The following MAGI3 variants were observed in gnomAD, a reference collection of about 807,000 sequenced individuals.
The protein encoded by MAGI3 is membrane associated guanylate kinase, WW and PDZ domain containing 3.
A neutral mutation model predicts 121.8 loss-of-function variants in MAGI3; 43 were observed. The observed-to-expected ratio is 0.35, with a 90% confidence interval of 0.28 to 0.46. MAGI3 has a LOEUF of 0.46. Among genes scored for constraint, MAGI3 ranks in the 20% least tolerant of loss-of-function variants. The probability of loss-of-function intolerance (pLI) is 1.00; values close to 1 mark genes in which losing one functional copy is unlikely to be tolerated. For missense variants in MAGI3, 1,547 were observed against 1,797.3 expected (o/e 0.86, Z 2.52); for synonymous variants, 553 against 639.3 (o/e 0.86, Z 2.04).
At chr1:113,548,628 G>A (rs1245569275) in intron 1 of MAGI3, among the ~76,000 whole-genome samples, 1 of 152,192 alleles carries the variant, frequency 6.6e-6, no homozygotes, top group Non-Finnish European at 1.5e-5. Flanking sequence ...GGGATGGCTG[G>A]AGCCAGAACA....
chr1:113,457,710 ATAAAT>A (rs1235208960), intron 1 of MAGI3, among the ~76,000 whole-genome samples: 1 of 152,164 alleles, frequency 6.6e-6, no homozygotes, highest in Non-Finnish European at 1.5e-5. Context: ...TATAAATAAG[ATAAAT>A]TTAATTATAA....
intron 6 of MAGI3, among the ~76,000 whole-genome samples, chr1:113,603,353 C>G (rs991821938): frequency 1.6e-4 from 4 of 24,420 alleles, no homozygotes; most frequent in African/African-American, 3.3e-4. Flanking sequence ...TAAAAATTGC[C>G]AACAACAACA....
chr1:113,660,184 C>T (rs933959813), intron 16 of MAGI3, among the ~76,000 whole-genome samples: 1 of 152,158 alleles, frequency 6.6e-6, no homozygotes, highest in Admixed American at 6.6e-5. Context: ...TCTGCATGGA[C>T]ATGAATTGAC....
chr1:113,646,597 C>G lies in MAGI3; in HGVS notation c.2110C>G (p.Pro704Ala). 6.2e-7 allele frequency: 1 copy of G among 1,611,724 alleles called. No homozygotes were observed. Among genetic ancestry groups the G allele is most frequent in the Non-Finnish European group, 8.5e-7 (1 of 1,178,818 alleles). ...IIRSGSPKLD[P>A]SEVYLKSKTL... ...CAGGTCAGGATCCCCAAAATTGGAT[C>G]CTTCTGAGGTCTACCTGAAATCTAA... is the stretch of plus-strand genomic sequence containing the variant. Residue 704 changes from proline to alanine, a missense_variant, in exon 12 of 21, where the codon CCT becomes GCT. Coordinates refer to ENST00000307546, the MANE Select transcript of MAGI3 (RefSeq NM_001142782.2).
At chr1:113,468,456 A>C (rs1038031468) in intron 1 of MAGI3, among the ~76,000 whole-genome samples, 6 of 152,210 alleles carry the variant, frequency 3.9e-5, no homozygotes, top group Non-Finnish European at 7.3e-5. Context: ...TAGATCACAA[A>C]GAACTGAAGT....
chr1:113,583,531 C>T (rs1287477110), intron 3 of MAGI3, among the ~76,000 whole-genome samples: 2 of 152,018 alleles, frequency 1.3e-5, no homozygotes, highest in Non-Finnish European at 2.9e-5. Context: ...TCTAGTAGTA[C>T]TACTACCTTA....
At chr1:113,521,657 C>T (rs536670080) in intron 1 of MAGI3, among the ~76,000 whole-genome samples, 4 of 151,684 alleles carry the variant, frequency 2.6e-5, no homozygotes, top group Non-Finnish European at 5.9e-5. Context: ...CCACCTGCCT[C>T]GGCCTCCCAA....
At chr1:113,627,541 G>A (rs1184249850) in intron 9 of MAGI3, among the ~76,000 whole-genome samples, 1 of 149,606 alleles carries the variant, frequency 6.7e-6, no homozygotes, top group Non-Finnish European at 1.5e-5. Context: ...TGCTATTATT[G>A]TATTGAGGTC....
At chr1:113,455,750 C>A (rs1385239395) in intron 1 of MAGI3, among the ~76,000 whole-genome samples, 1 of 152,096 alleles carries the variant, frequency 6.6e-6, no homozygotes, top group East Asian at 1.9e-4. Context: ...GCTCCTTATA[C>A]TTTGTTTTCA....
Position 113,422,458 on chromosome 1 carries a change from C to G in MAGI3, c.316+31109C>G, listed in dbSNP as rs1412015456. On this transcript the variant is annotated intron_variant, in intron 1 of 20. Transcript: ENST00000307546. This position sits in a 1 kb window ranked among gnomAD's most constrained non-coding sequence, Gnocchi z 4.3. ...GCTGCGTTTGGCTCATGATGCCTGC[C>G]CGGATCCCATACCTGCCAAGGGTGA... Among the ~76,000 whole-genome samples, 2 of 152,234 alleles carry G rather than the reference C, an allele frequency of 1.3e-5. No homozygotes were observed. Among genetic ancestry groups the G allele is most frequent in the East Asian group, 1.9e-4 (1 of 5,184 alleles).
chr1:113,495,789 G>A (rs1283794161), intron 1 of MAGI3, among the ~76,000 whole-genome samples: 1 of 152,142 alleles, frequency 6.6e-6, no homozygotes, highest in Non-Finnish European at 1.5e-5. Context: ...TAAGAGAGTA[G>A]TATAAACAAA....
intron 2 of MAGI3, among the ~76,000 whole-genome samples, chr1:113,552,195 A>C (rs955826021): frequency 6.6e-6 from 1 of 152,184 alleles, no homozygotes; most frequent in Non-Finnish European, 1.5e-5. Context: ...TATAACCACC[A>C]ATCCTTATGT....
chr1:113,685,464 CTT>C lies in MAGI3; in HGVS notation c.*1452_*1453del, dbSNP rs914543821. 1.3e-5 allele frequency: 2 copies of C among 152,344 alleles called. No individual in the cohort carries two copies. Among genetic ancestry groups the C allele is most frequent in the Non-Finnish European group, 2.9e-5 (2 of 68,040 alleles). 9.4% of individuals were successfully genotyped at this position (152,344 alleles called of 1,614,324 possible). A position where few individuals can be genotyped will look rare whatever the true frequency, so the allele number is the denominator to read the frequency against. ...CCTCTGGGAGTCTGACTGTGAAACT[CTT>C]TAACCCAACAACTCAATTAGCCCCT... On this transcript the variant is annotated 3_prime_UTR_variant, in exon 21 of 21. Transcript: ENST00000307546.
intron 5 of MAGI3, 68 bp downstream of exon 5, chr1:113,590,726 A>T: frequency 7.0e-7 from 1 of 1,433,006 alleles, no homozygotes; most frequent in Non-Finnish European, 9.3e-7. Context: ...ATTTTTTTAA[A>T]CCTCATTTTA....
chr1:113,655,944 ACTTTT>A (rs1653443875), intron 15 of MAGI3, among the ~76,000 whole-genome samples: 2 of 152,184 alleles, frequency 1.3e-5, no homozygotes, highest in South Asian at 4.1e-4. Flanking sequence ...CCGTCTCTTA[ACTTTT>A]CTTTTAAAAA....
At chr1:113,626,398 T>A (rs765087196) in intron 9 of MAGI3, among the ~76,000 whole-genome samples, 2 of 152,344 alleles carry the variant, frequency 1.3e-5, no homozygotes, top group Middle Eastern at 3.4e-3. Flanking sequence ...CATCAGTACT[T>A]ATCAGAAATA....
chr1:113,472,290 C>T (rs1324161648), intron 1 of MAGI3, among the ~76,000 whole-genome samples: 2 of 151,758 alleles, frequency 1.3e-5, no homozygotes, highest in African/African-American at 4.8e-5. Context: ...GCAAGCTCCG[C>T]CTCCCGGGTT....
chr1:113,653,886 C>T lies in MAGI3; in HGVS notation c.2497C>T (p.Pro833Ser). 6.2e-7 allele frequency: 1 copy of T among 1,613,862 alleles called. No homozygotes were observed. ...CTTCATTTCAACACAGAATGGATCT[C>T]CCCGCCTGAACCGGGCAGAGGTCCC... is the stretch of plus-strand genomic sequence containing the variant. Reference protein sequence around the residue: ...QAFISTQNGSPRLNRAEVPAR... With the variant: ...QAFISTQNGSSRLNRAEVPAR... The change falls in exon 15 of 21, where the codon CCC (proline) becomes TCC (serine). Residue 833 changes from proline to serine, a missense_variant. Pro to Ser is a moderately conservative substitution (Grantham distance 74, BLOSUM62 -1). Transcript: ENST00000307546.
intron 4 of MAGI3, among the ~76,000 whole-genome samples, chr1:113,587,475 C>A (rs1229325202): frequency 2.0e-5 from 3 of 152,184 alleles, no homozygotes; most frequent in Non-Finnish European, 4.4e-5. Context: ...GGATTACAGG[C>A]GTGAGCCACC....
Sources: allele counts gnomAD v4.1 joint callset (sites outside exome capture counted in the v4.1 genomes callset), GRCh38; gene constraint gnomAD v4.1.1; non-coding constraint Gnocchi (gnomAD v3.1); transcripts MANE v1.5; gene names NCBI Gene and HGNC (gene_info 2026-07-23, HGNC 2026-07-21).